The following FLT1 variants were observed in gnomAD, a reference collection of about 807,000 sequenced individuals.
FLT1 encodes the protein vascular endothelial growth factor receptor 1.
In FLT1, 49 loss-of-function variants were observed where a neutral mutation model predicts 156.3. The observed-to-expected ratio is 0.31, with a 90% CI of 0.25 to 0.40. FLT1 has a LOEUF of 0.40. FLT1 is among the 10% of genes least tolerant of loss of function. FLT1 has a pLI of 1.00. For synonymous variants in FLT1, 594 were observed against 583.8 expected, an observed-to-expected ratio of 1.02 and a Z score of -0.25; for missense variants, 1,322 against 1,637.2, an observed-to-expected ratio of 0.81 and a Z score of 3.32.
At chr13:28,310,076 G>A (rs186556927) in intron 27 of FLT1, among the ~76,000 whole-genome samples, 38 of 152,078 alleles carry the variant, frequency 2.5e-4, no homozygotes, top group African/African-American at 9.2e-4. Context: ...TTTTAGTAGA[G>A]ATGGGATTTC....
chr13:28,411,143 T>C (rs1876144482), intron 10 of FLT1, among the ~76,000 whole-genome samples: 1 of 152,156 alleles, frequency 6.6e-6, no homozygotes, highest in Non-Finnish European at 1.5e-5. Flanking sequence ...GGCAGAAGAC[T>C]ACTTTATAGT....
chr13:28,301,432 C>T lies in FLT1; in HGVS notation c.*1735G>A, dbSNP rs1168230048. ...AGCCGCTGCCAGGAGCCAGTAGGCTCACTAGGGAATGTGCTGATGACGGTC... is the reference window on the plus strand; with the variant it reads ...AGCCGCTGCCAGGAGCCAGTAGGCTTACTAGGGAATGTGCTGATGACGGTC... On this transcript the variant is annotated 3_prime_UTR_variant, in exon 30 of 30. Coordinates refer to ENST00000282397, the MANE Select transcript of FLT1 (RefSeq NM_002019.4). 1 of 233,078 alleles carries T rather than the reference C, an allele frequency of 4.3e-6. No individual in the cohort carries two copies. Among genetic ancestry groups the T allele is most frequent in the East Asian group, 6.0e-5 (1 of 16,582 alleles). The allele number at this position is 233,078 out of a possible 1,614,324, so 14.4% of individuals were successfully genotyped here. A position where few individuals can be genotyped will look rare whatever the true frequency, so the allele number is the denominator to read the frequency against.
chr13:28,368,368 T>C, intron 14 of FLT1: 1 of 992,026 alleles, frequency 1.0e-6, no homozygotes, highest in Non-Finnish European at 1.4e-6. Context: ...GTCAGGCTGG[T>C]CTTGAACTCC....
At chr13:28,426,760 A>T (rs562211841) in intron 10 of FLT1, among the ~76,000 whole-genome samples, 1 of 152,304 alleles carries the variant, frequency 6.6e-6, no homozygotes, top group South Asian at 2.1e-4. Flanking sequence ...GTTGGGAAGA[A>T]CTTGGATCAT....
chr13:28,454,931 T>A (rs1419743265), intron 3 of FLT1, among the ~76,000 whole-genome samples: 4 of 152,150 alleles, frequency 2.6e-5, no homozygotes, highest in African/African-American at 7.2e-5. Context: ...CACCTAGACA[T>A]AAGTCTATCA....
rs771148828 is a variant in FLT1 at position 28,430,113 on chromosome 13, G to C, written c.1043C>G (p.Ala348Gly). Residue 348 changes from alanine to glycine, a missense_variant, in exon 8 of 30, where the codon GCT (alanine) becomes GGT (glycine). Transcript: ENST00000282397. ...HRKQQVLETV[A>G]GKRSYRLSMK... Reference sequence around the variant, plus strand: ...AGAGAGCCGGTAAGACCGCTTGCCAGCTACGGTTTCAAGCACCTGCTGTTT... The same window carrying C: ...AGAGAGCCGGTAAGACCGCTTGCCACCTACGGTTTCAAGCACCTGCTGTTT... 6.2e-7 allele frequency: 1 copy of C among 1,614,002 alleles called. No homozygotes were observed. The highest frequency in any genetic ancestry group is 1.7e-5 in the Admixed American group (1 of 60,004).
intron 1 of FLT1, among the ~76,000 whole-genome samples, chr13:28,488,764 C>T (rs1029521442): frequency 3.9e-5 from 6 of 152,244 alleles, no homozygotes; most frequent in East Asian, 1.9e-4. Flanking sequence ...AAACCTCATC[C>T]TAAAGAAAGA....
Position 28,301,542 on chromosome 13 carries a change from G to A in FLT1, c.*1625C>T, listed in dbSNP as rs547412297. The A allele has an allele frequency of 3.0e-5, 7 of 233,206 alleles. No individual in the cohort carries two copies. In the South Asian group the frequency reaches 1.1e-3, roughly 36 times the overall value. The allele number at this position is 233,206 out of a possible 1,614,324, so 14.4% of individuals were successfully genotyped here. A position where few individuals can be genotyped will look rare whatever the true frequency, so the allele number is the denominator to read the frequency against. On this transcript the variant is annotated 3_prime_UTR_variant, in exon 30 of 30. Coordinates refer to ENST00000282397, the MANE Select transcript of FLT1 (RefSeq NM_002019.4). ...CATTCTTCGGTTACTTAGAGCTCAG[G>A]TTCTACAGTTAAATTACATGGATAA...
chr13:28,489,029 C>T (rs2137670703), intron 1 of FLT1, among the ~76,000 whole-genome samples: 1 of 152,334 alleles, frequency 6.6e-6, no homozygotes. Context: ...AGGACTTCTG[C>T]AGTGACCAGA....
chr13:28,454,805 C>T (rs1259603062), intron 3 of FLT1, among the ~76,000 whole-genome samples: 1 of 152,082 alleles, frequency 6.6e-6, no homozygotes, highest in Non-Finnish European at 1.5e-5. Context: ...AGCAAGCTTG[C>T]AGGACACAAA....
intron 10 of FLT1, among the ~76,000 whole-genome samples, chr13:28,417,606 C>T (rs751673281): frequency 6.6e-6 from 1 of 152,026 alleles, no homozygotes; most frequent in Non-Finnish European, 1.5e-5. Context: ...TATCTTTGAG[C>T]CACAATTTCT....
intron 3 of FLT1, among the ~76,000 whole-genome samples, chr13:28,446,986 C>A (rs1328122169): frequency 6.6e-6 from 1 of 151,996 alleles, no homozygotes; most frequent in Admixed American, 6.6e-5. Context: ...ACCCATGTGT[C>A]TATGGCCACT....
At chr13:28,383,211 C>CA (rs896415439) in intron 14 of FLT1, among the ~76,000 whole-genome samples, 40 of 143,080 alleles carry the variant, frequency 2.8e-4, no homozygotes, top group East Asian at 1.2e-3. Context: ...GACTCCATCT[C>CA]AAAAAAAAAA....
chr13:28,358,804 T>C (rs1014400540), intron 14 of FLT1, among the ~76,000 whole-genome samples: 12 of 152,172 alleles, frequency 7.9e-5, no homozygotes, highest in African/African-American at 2.9e-4. Flanking sequence ...AATGAGTGAA[T>C]ACAGCACAGT....
intron 14 of FLT1, among the ~76,000 whole-genome samples, chr13:28,380,682 G>A (rs1051734943): frequency 2.0e-5 from 3 of 151,364 alleles, no homozygotes; most frequent in African/African-American, 7.3e-5. Context: ...AAGCTGGGTG[G>A]TGGAGGGGTG....
At chr13:28,453,828 ATACCCTGT>A (rs921214562) in intron 3 of FLT1, among the ~76,000 whole-genome samples, 15 of 152,298 alleles carry the variant, frequency 9.8e-5, no homozygotes, top group African/African-American at 3.4e-4. Context: ...TCTGTGTACT[ATACCCTGT>A]GCTGGGTCCT....
At chr13:28,394,874 G>C (rs1171161851) in intron 12 of FLT1, among the ~76,000 whole-genome samples, 1 of 152,118 alleles carries the variant, frequency 6.6e-6, no homozygotes, top group South Asian at 2.1e-4. Context: ...CCTAGGTCTG[G>C]CCTCCTGAGA....
intron 3 of FLT1, among the ~76,000 whole-genome samples, chr13:28,453,886 G>A (rs1057216424): frequency 1.3e-5 from 2 of 152,190 alleles, no homozygotes; most frequent in Non-Finnish European, 2.9e-5. Flanking sequence ...AGTCCTGTCC[G>A]TAGAGCTTGT....
In FLT1 at chr13:28,302,179, TCA is replaced by T. The variant is rs1270356256; in HGVS notation, c.*986_*987del. On this transcript the variant is annotated 3_prime_UTR_variant, in exon 30 of 30. Coordinates refer to ENST00000282397, the MANE Select transcript of FLT1 (RefSeq NM_002019.4). ...CATTTTCATTCTTCTCAGCTTTCTT[TCA>T]CAACTAACTGTGCAAAACAGAATAA... The T allele has an allele frequency of 8.6e-6, 2 of 233,140 alleles. No individual in the cohort carries two copies. The highest frequency in any genetic ancestry group is 4.4e-5 in the African/African-American group (2 of 45,354). The allele number at this position is 233,140 out of a possible 1,614,324, so 14.4% of individuals were successfully genotyped here.
Sources: gnomAD v4.1 joint callset for allele counts (sites outside exome capture counted in the v4.1 genomes callset) on GRCh38, gnomAD v4.1.1 for gene constraint, MANE v1.5 for transcripts, NCBI Gene and HGNC (gene_info 2026-07-23, HGNC 2026-07-21) for gene names.